The following PARD3 variants were observed in gnomAD, a reference collection of about 807,000 sequenced individuals.
PARD3 encodes the protein partitioning defective 3 homolog.
In PARD3, 75 loss-of-function variants were observed where a neutral mutation model predicts 155.4. That is an observed-to-expected ratio of 0.48 (90% CI 0.40 to 0.58). PARD3 has a LOEUF of 0.58. PARD3 is among the 20% of genes least tolerant of loss of function. PARD3 has a pLI of 0.00. For synonymous variants in PARD3, 576 were observed against 610.5 expected, an observed-to-expected ratio of 0.94 and a Z score of 0.83; for missense variants, 1,642 against 1,721.7, an observed-to-expected ratio of 0.95 and a Z score of 0.82.
chr10:34,505,529 T>G (rs2081004128), intron 3 of PARD3, among the ~76,000 whole-genome samples: 1 of 152,154 alleles, frequency 6.6e-6, no homozygotes, highest in Non-Finnish European at 1.5e-5. Context: ...CAAATTCTGG[T>G]GAAATCTGTG....
At position 34,734,916 on chromosome 10, in the gene PARD3, G is replaced by A. The variant is rs566857550; in HGVS notation, c.121-38497C>T. Reference sequence around the variant, plus strand: ...ATATGCCATTTTAAAAAGTTAAACAGCAGACAAAATACAGAAAATATATTT... The same window carrying A: ...ATATGCCATTTTAAAAAGTTAAACAACAGACAAAATACAGAAAATATATTT... On this transcript the variant is annotated intron_variant, in intron 1 of 24. Coordinates refer to ENST00000374788, the MANE Select transcript of PARD3 (RefSeq NM_001184785.2). Among the ~76,000 whole-genome samples the A allele has an allele frequency of 2.0e-5, 3 of 150,078 alleles. No homozygotes were observed. The South Asian group carries it at 6.3e-4, about 32-fold the overall frequency.
At chr10:34,809,181 C>T (rs1229774299) in intron 1 of PARD3, among the ~76,000 whole-genome samples, 1 of 152,330 alleles carries the variant, frequency 6.6e-6, no homozygotes, top group Non-Finnish European at 1.5e-5. Context: ...TTTAAATTCA[C>T]GAGTGCTGAT....
chr10:34,377,151 C>A (rs1387443369), intron 10 of PARD3, among the ~76,000 whole-genome samples: 2 of 152,194 alleles, frequency 1.3e-5, no homozygotes, highest in African/African-American at 2.4e-5. Context: ...CTCCTCTTAT[C>A]AAGGAACACT....
chr10:34,234,824 TTTTGTAAATGAATGAC>T (rs1327149844), intron 22 of PARD3, among the ~76,000 whole-genome samples: 16 of 152,372 alleles, frequency 1.1e-4, no homozygotes, highest in African/African-American at 3.8e-4. Flanking sequence ...ATTCTTATGT[TTTTGTAAATGAATGAC>T]TTTCAAATAC....
intron 3 of PARD3, among the ~76,000 whole-genome samples, chr10:34,483,906 A>C (rs2079263745): frequency 6.6e-6 from 1 of 152,212 alleles, no homozygotes; most frequent in Non-Finnish European, 1.5e-5. Context: ...AAGACATCTT[A>C]ATTAATATAT....
chr10:34,600,672 G>C (rs1028719613), intron 2 of PARD3, among the ~76,000 whole-genome samples: 8 of 152,178 alleles, frequency 5.3e-5, no homozygotes, highest in Non-Finnish European at 1.2e-4. Context: ...TTGTTTTTAT[G>C]ATCACCACAT....
intron 1 of PARD3, among the ~76,000 whole-genome samples, chr10:34,700,110 G>A (rs1224054335): frequency 2.6e-5 from 4 of 152,138 alleles, no homozygotes; most frequent in East Asian, 1.9e-4. Context: ...AGCAATAAAC[G>A]AGGGGCAGAG....
At chr10:34,556,361 C>A (rs1299614919) in intron 2 of PARD3, among the ~76,000 whole-genome samples, 1 of 150,320 alleles carries the variant, frequency 6.7e-6, no homozygotes, top group Non-Finnish European at 1.5e-5. Context: ...TGCGCTACCA[C>A]CCTTCCAATT....
chr10:34,570,711 A>G (rs533862576), intron 2 of PARD3, among the ~76,000 whole-genome samples: 10 of 152,206 alleles, frequency 6.6e-5, no homozygotes, highest in South Asian at 2.1e-4. Context: ...TAGAAAAACA[A>G]TAGAAAAGCA....
intron 2 of PARD3, among the ~76,000 whole-genome samples, chr10:34,542,605 TTA>T (rs1176963978): frequency 6.6e-6 from 1 of 152,200 alleles, no homozygotes; most frequent in Non-Finnish European, 1.5e-5. Context: ...ATATATGGAT[TTA>T]TATGTGCATT....
chr10:34,227,856 T>TTTTATATATATATATA (rs1554814033), intron 22 of PARD3, among the ~76,000 whole-genome samples: 7 of 82,278 alleles, frequency 8.5e-5, no homozygotes, highest in Admixed American at 1.2e-4. Context: ...GAATTATTTT[T>TTTTATATATATATATA]TATATATATA....
intron 2 of PARD3, among the ~76,000 whole-genome samples, chr10:34,562,555 C>A (rs947127635): frequency 2.6e-5 from 4 of 152,160 alleles, no homozygotes; most frequent in Admixed American, 2.6e-4. Flanking sequence ...ATCTGCTTTT[C>A]CATCTTCCAA....
At chr10:34,383,028 G>T in intron 8 of PARD3, 106 bp from the exon 9 acceptor site, 1 of 1,291,226 alleles carries the variant, frequency 7.7e-7, no homozygotes, top group African/African-American at 1.5e-5. Context: ...CTGACAGGCT[G>T]TTGAAATTGA....
intron 2 of PARD3, among the ~76,000 whole-genome samples, chr10:34,578,502 C>A (rs2087098285): frequency 6.6e-6 from 1 of 152,192 alleles, no homozygotes; most frequent in East Asian, 1.9e-4. Context: ...ATAGCAAGAG[C>A]AACTAATATT....
intron 3 of PARD3, among the ~76,000 whole-genome samples, chr10:34,500,337 A>T (rs979578781): frequency 6.6e-6 from 1 of 152,254 alleles, no homozygotes; most frequent in Non-Finnish European, 1.5e-5. Flanking sequence ...TCGAAAGAAG[A>T]AAGTAAGTTG....
chr10:34,229,709 G>C (rs923659035), intron 22 of PARD3, among the ~76,000 whole-genome samples: 1 of 151,472 alleles, frequency 6.6e-6, no homozygotes. Flanking sequence ...AAAAACTCCA[G>C]GTCACAAACT....
chr10:34,193,613 C>G (rs970670446), intron 22 of PARD3, among the ~76,000 whole-genome samples: 2 of 152,230 alleles, frequency 1.3e-5, no homozygotes, highest in Admixed American at 6.5e-5. Context: ...CAATTCTGCT[C>G]TAAAGATTCA....
chr10:34,459,805 T>A lies in PARD3; in HGVS notation c.583-9357A>T, dbSNP rs1445749645. Among the ~76,000 whole-genome samples the A allele has an allele frequency of 2.0e-5, 3 of 152,176 alleles. No homozygotes were observed. The East Asian group carries it at 5.8e-4, about 29-fold the overall frequency. On this transcript the variant is annotated intron_variant, in intron 4 of 24. Coordinates refer to ENST00000374788, the MANE Select transcript of PARD3 (RefSeq NM_001184785.2). Reference sequence around the variant, plus strand: ...AGAGATTTAAATCACATATAACTAGTCTGACAATGTAAGATAATTACCACT... The same window carrying A: ...AGAGATTTAAATCACATATAACTAGACTGACAATGTAAGATAATTACCACT...
intron 2 of PARD3, among the ~76,000 whole-genome samples, chr10:34,522,759 C>T (rs1008922475): frequency 6.6e-6 from 1 of 152,256 alleles, no homozygotes; most frequent in East Asian, 1.9e-4. Context: ...CTCTAGAGGG[C>T]CCCACAGAAA....
Sources: gnomAD v4.1 joint callset for allele counts (sites outside exome capture counted in the v4.1 genomes callset) on GRCh38, gnomAD v4.1.1 for gene constraint, MANE v1.5 for transcripts, NCBI Gene and HGNC (gene_info 2026-07-23, HGNC 2026-07-21) for gene names.